The following DAAM2 variants were observed in gnomAD, a reference collection of about 807,000 sequenced individuals.
The protein encoded by DAAM2 is dishevelled associated activator of morphogenesis 2, also known as disheveled-associated activator of morphogenesis 2.
Under a neutral mutation model 120.7 loss-of-function variants are expected in DAAM2, and 39 were observed. That is an observed-to-expected ratio of 0.32 (90% CI 0.25 to 0.42). The LOEUF (loss-of-function observed/expected upper bound fraction) is 0.42, where lower values mean the gene tolerates loss of function less well. Among genes scored for constraint, DAAM2 ranks in the 10% least tolerant of loss-of-function variants. DAAM2 has a pLI of 1.00. For synonymous variants in DAAM2, 488 were observed against 524.9 expected, an observed-to-expected ratio of 0.93 and a Z score of 0.96; for missense variants, 1,283 against 1,401.7, an observed-to-expected ratio of 0.92 and a Z score of 1.35.
At chr6:39,806,207 A>G (rs1762005463) in intron 1 of DAAM2, among the ~76,000 whole-genome samples, 1 of 152,240 alleles carries the variant, frequency 6.6e-6, no homozygotes, top group African/African-American at 2.4e-5. Flanking sequence ...CGTCTTGCTC[A>G]GAATGTAAAA....
intron 1 of DAAM2, among the ~76,000 whole-genome samples, chr6:39,828,460 T>A (rs1762756575): frequency 6.6e-6 from 1 of 152,236 alleles, no homozygotes; most frequent in African/African-American, 2.4e-5. Context: ...ATAGTTTGCA[T>A]GTCTGTGTTC....
intron 1 of DAAM2, among the ~76,000 whole-genome samples, chr6:39,839,105 T>C (rs1197059641): frequency 6.6e-6 from 1 of 152,156 alleles, no homozygotes; most frequent in Non-Finnish European, 1.5e-5. Flanking sequence ...TTTTTTGTTT[T>C]TTTGTTTTTA....
intron 5 of DAAM2, 69 bp from the exon 6 acceptor site, chr6:39,867,441 G>A (rs997617456): frequency 7.5e-6 from 11 of 1,474,948 alleles, no homozygotes; most frequent in Admixed American, 1.7e-5. Context: ...CAGGTAAGGG[G>A]GTAACTATTT....
chr6:39,897,026 C>A (rs779229009), intron 20 of DAAM2, 46 bp downstream of exon 20: 5 of 1,572,540 alleles, frequency 3.2e-6, no homozygotes, highest in Non-Finnish European at 4.3e-6. Context: ...CTATCTCACC[C>A]TACCCTGGCC....
chr6:39,901,432 GGAA>G lies in DAAM2; in HGVS notation c.2944_2946del (p.Lys982del), dbSNP rs1405378773. ...CAGGATCTAGAGGCCATGAGGAGGA[GGAA>G]GGAGGAGGAGGAGCGGCGGGCGCGC... On this transcript the variant is annotated inframe_deletion, in exon 24 of 25. Transcript: ENST00000274867. This position sits in a 1 kb window ranked among gnomAD's most constrained non-coding sequence, Gnocchi z 4.5. The G allele has an allele frequency of 2.5e-6, 4 of 1,613,026 alleles. No homozygotes were observed. Among genetic ancestry groups the G allele is most frequent in the Non-Finnish European group, 3.4e-6 (4 of 1,179,830 alleles).
Position 39,873,382 on chromosome 6 carries a change from C to A in DAAM2, c.1162+27C>A, listed in dbSNP as rs757200622. 27 of 1,491,256 alleles carry A rather than the reference C, an allele frequency of 1.8e-5. No homozygotes were observed. In the Admixed American group the frequency reaches 4.5e-4, roughly 25 times the overall value. The allele number at this position is 1,491,256 out of a possible 1,614,324, so 92.4% of individuals were successfully genotyped here. On this transcript the variant is annotated intron_variant, in intron 10 of 24. Transcript: ENST00000274867. ...TAAGTACCCTGCACTTGCTGCTTCC[C>A]TCGACTGGCCTGAACCTTGACTTGG...
intron 1 of DAAM2, among the ~76,000 whole-genome samples, chr6:39,809,891 T>C (rs1181311392): frequency 1.3e-5 from 2 of 152,086 alleles, no homozygotes; most frequent in Non-Finnish European, 2.9e-5. Flanking sequence ...CACTCCAGAG[T>C]TGGTAGGGTG....
At chr6:39,896,415 G>T (rs772005812) in intron 19 of DAAM2, among the ~76,000 whole-genome samples, 11 of 152,058 alleles carry the variant, frequency 7.2e-5, no homozygotes, top group Non-Finnish European at 1.3e-4. Flanking sequence ...CGTTGGCCAG[G>T]CTGGTCTCGA....
At position 39,810,131 on chromosome 6, in the gene DAAM2, T is replaced by C. The variant is rs146308164; in HGVS notation, c.-57+17666T>C. Among the ~76,000 whole-genome samples the C allele has an allele frequency of 1.8e-3, 269 of 152,334 alleles. 1 individual carries two copies. Among genetic ancestry groups the C allele is most frequent in the African/African-American group, 5.9e-3 (244 of 41,580 alleles). The stretch of plus-strand genomic sequence containing the variant: ...TAAGCTTCTCGGAAAGTCCTGGCCA[T>C]ACACATCAAAATTCTGTTGAATAGA... On this transcript the variant is annotated intron_variant, in intron 1 of 24. Transcript: ENST00000274867.
At chr6:39,793,719 C>G (rs1189009978) in intron 1 of DAAM2, among the ~76,000 whole-genome samples, 3 of 152,058 alleles carry the variant, frequency 2.0e-5, no homozygotes, top group African/African-American at 4.8e-5. Context: ...GTGTGCTCCA[C>G]GGAGAGTAGG....
At chr6:39,871,956 C>T (rs916737063) in intron 9 of DAAM2, among the ~76,000 whole-genome samples, 3 of 152,200 alleles carry the variant, frequency 2.0e-5, no homozygotes, top group African/African-American at 7.2e-5. Context: ...GCTGGAGAGC[C>T]TGCTGTTCTG....
intron 1 of DAAM2, chr6:39,819,408 A>G (rs75671114): frequency 2.0e-5 from 3 of 152,172 alleles, no homozygotes; most frequent in African/African-American, 4.8e-5. Context: ...CATTTGACAC[A>G]TCTAATGCCT....
chr6:39,793,688 C>T (rs138470183), intron 1 of DAAM2, among the ~76,000 whole-genome samples: 1 of 152,144 alleles, frequency 6.6e-6, no homozygotes, highest in Non-Finnish European at 1.5e-5. Flanking sequence ...GATGGATTTT[C>T]CCTAGGGCCT....
intron 2 of DAAM2, among the ~76,000 whole-genome samples, chr6:39,860,059 C>G (rs1764149933): frequency 6.6e-6 from 1 of 152,164 alleles, no homozygotes; most frequent in Admixed American, 6.5e-5. Flanking sequence ...ATTAACTAGT[C>G]CTTTGATTAG....
Position 39,796,008 on chromosome 6 carries a change from C to T in DAAM2, c.-57+3543C>T, listed in dbSNP as rs145029595. Among the ~76,000 whole-genome samples, 1,000 of 152,198 alleles carry T rather than the reference C, an allele frequency of 6.6e-3. 12 individuals are homozygous for T. Among genetic ancestry groups the T allele is most frequent in the Admixed American group, 0.022 (331 of 15,284 alleles). On this transcript the variant is annotated intron_variant, in intron 1 of 24. Transcript: ENST00000274867. ...CCTGAGTCAGAGAGCGGGTAGGCAG[C>T]CACTCCTTGTCAAGGGTGCTCAGGT...
chr6:39,904,819 A>G lies in DAAM2; in HGVS notation c.*2782A>G, dbSNP rs1766736330. ...CCTTTTTCACTTGCACCTTTTTTAT[A>G]AGAATATATTGTAATACTAAAAAAT... is the stretch of plus-strand genomic sequence containing the variant. On this transcript the variant is annotated 3_prime_UTR_variant, in exon 25 of 25. Transcript: ENST00000274867. 2 of 453,988 alleles carry G rather than the reference A, an allele frequency of 4.4e-6. No individual in the cohort carries two copies. The highest frequency in any genetic ancestry group is 8.8e-6 in the Non-Finnish European group (2 of 226,784). The allele number at this position is 453,988 out of a possible 1,614,324, so 28.1% of individuals were successfully genotyped here.
rs1188283714 is a variant in DAAM2 at position 39,856,490 on chromosome 6, G to A, written c.168+20G>A. 1 of 1,418,924 alleles carries A rather than the reference G, an allele frequency of 7.0e-7. No individual in the cohort carries two copies. The highest frequency in any genetic ancestry group is 9.3e-7 in the Non-Finnish European group (1 of 1,078,538). 87.9% of individuals were successfully genotyped at this position (1,418,924 alleles called of 1,614,324 possible). A position where few individuals can be genotyped will look rare whatever the true frequency, so the allele number is the denominator to read the frequency against. On this transcript the variant is annotated intron_variant, in intron 2 of 24. Coordinates refer to ENST00000274867, the MANE Select transcript of DAAM2 (RefSeq NM_001201427.2). ...CTGGTGGTCAGTGAGAGGGTGGGGAGAGACAGTGACAATGGGGAGGAGGGT... is the reference window on the plus strand; with the variant it reads ...CTGGTGGTCAGTGAGAGGGTGGGGAAAGACAGTGACAATGGGGAGGAGGGT...
intron 21 of DAAM2, 64 bp downstream of exon 21, chr6:39,897,346 C>A (rs548030055): frequency 1.7e-4 from 182 of 1,085,618 alleles, no homozygotes; most frequent in Non-Finnish European, 2.3e-4. Flanking sequence ...TTACTTTCCT[C>A]TTTTGGGGTC....
chr6:39,876,474 A>G (rs542548872), intron 11 of DAAM2, among the ~76,000 whole-genome samples: 9 of 152,318 alleles, frequency 5.9e-5, no homozygotes, highest in Admixed American at 3.9e-4. Flanking sequence ...CTACCAATTC[A>G]TTACACTATT....
Sources: gnomAD v4.1 joint callset for allele counts (sites outside exome capture counted in the v4.1 genomes callset) on GRCh38, gnomAD v4.1.1 for gene constraint, Gnocchi (gnomAD v3.1) non-coding constraint, MANE v1.5 for transcripts, NCBI Gene and HGNC (gene_info 2026-07-23, HGNC 2026-07-21) for gene names.